The following PARM1 variants were observed in gnomAD, a reference collection of about 807,000 sequenced individuals.
PARM1 encodes the protein prostate androgen-regulated mucin-like protein 1.
PARM1 carries 14 observed loss-of-function variants against 24.6 expected under a neutral mutation model. The observed-to-expected ratio is 0.57, with a 90% CI of 0.38 to 0.89. The LOEUF (loss-of-function observed/expected upper bound fraction) is 0.89, where lower values mean the gene tolerates loss of function less well. PARM1 is among the 40% of genes least tolerant of loss of function. PARM1 has a pLI of 0.00. For synonymous variants in PARM1, 179 were observed against 156.6 expected, an observed-to-expected ratio of 1.14 and a Z score of -1.07; for missense variants, 362 against 380.4, an observed-to-expected ratio of 0.95 and a Z score of 0.40.
At chr4:74,991,111 A>G (rs1476852867) in intron 1 of PARM1, among the ~76,000 whole-genome samples, 1 of 152,190 alleles carries the variant, frequency 6.6e-6, no homozygotes, top group Non-Finnish European at 1.5e-5. Context: ...TCCGCCCTGC[A>G]GAAGCACTTT....
chr4:75,013,246 G>T, intron 2 of PARM1, 96 bp downstream of exon 2: 2 of 1,246,184 alleles, frequency 1.6e-6, no homozygotes, highest in South Asian at 1.5e-5. Context: ...TTGAATTTTG[G>T]AGTGTAACAC....
intron 3 of PARM1, among the ~76,000 whole-genome samples, chr4:75,037,254 T>C (rs1389651769): frequency 1.3e-5 from 2 of 152,214 alleles, no homozygotes; most frequent in African/African-American, 2.4e-5. Flanking sequence ...TTTAGCTTGT[T>C]TGGCTGGAGC....
intron 2 of PARM1, among the ~76,000 whole-genome samples, chr4:75,029,221 C>T (rs1723234837): frequency 6.6e-6 from 1 of 152,186 alleles, no homozygotes; most frequent in Non-Finnish European, 1.5e-5. Context: ...CCAAAGGCAG[C>T]CTCCTTCCTC....
intron 1 of PARM1, among the ~76,000 whole-genome samples, chr4:74,962,927 A>G (rs1043352609): frequency 6.6e-6 from 1 of 152,206 alleles, no homozygotes; most frequent in African/African-American, 2.4e-5. Flanking sequence ...TAATCCCCAC[A>G]TGTCAAGGCT....
intron 1 of PARM1, among the ~76,000 whole-genome samples, chr4:74,975,184 G>C (rs547359606): frequency 6.6e-6 from 1 of 152,256 alleles, no homozygotes; most frequent in Non-Finnish European, 1.5e-5. Flanking sequence ...TGCATCCCCT[G>C]TTAGATGTAT....
intron 1 of PARM1, among the ~76,000 whole-genome samples, chr4:74,945,232 G>T (rs1036154409): frequency 6.6e-6 from 1 of 152,210 alleles, no homozygotes; most frequent in African/African-American, 2.4e-5. Context: ...GGTATCTGAT[G>T]AGTGAACGTT....
chr4:75,045,376 G>A (rs1035482866), intron 3 of PARM1, among the ~76,000 whole-genome samples: 5 of 152,338 alleles, frequency 3.3e-5, no homozygotes, highest in African/African-American at 2.4e-5. Context: ...CCATTCAAAG[G>A]TTTTGAACAG....
rs144173068 is a variant in PARM1 at position 75,046,625 on chromosome 4, A to G, written c.*378A>G. The G allele has an allele frequency of 1.9e-3, 354 of 181,704 alleles. No homozygotes were observed. The highest frequency in any genetic ancestry group is 8.1e-3 in the African/African-American group (342 of 42,394). 11.3% of individuals were successfully genotyped at this position (181,704 alleles called of 1,614,324 possible). A position where few individuals can be genotyped will look rare whatever the true frequency, so the allele number is the denominator to read the frequency against. ...GAACATTTCATTTGTGTTATTTCTT[A>G]AACTTCTATTTAGGAAATTACATTA... On this transcript the variant is annotated 3_prime_UTR_variant, in exon 4 of 4. Coordinates refer to ENST00000307428, the MANE Select transcript of PARM1 (RefSeq NM_015393.4).
intron 1 of PARM1, among the ~76,000 whole-genome samples, chr4:74,945,992 A>G (rs2109982566): frequency 6.6e-6 from 1 of 152,358 alleles, no homozygotes; most frequent in South Asian, 2.1e-4. Context: ...AACCTCTCAC[A>G]TTATAGATAA....
At chr4:74,962,791 G>A (rs1297132858) in intron 1 of PARM1, among the ~76,000 whole-genome samples, 4 of 152,234 alleles carry the variant, frequency 2.6e-5, no homozygotes, top group Non-Finnish European at 5.9e-5. Context: ...TTTAATGGGT[G>A]TAGAGTTTCA....
intron 1 of PARM1, among the ~76,000 whole-genome samples, chr4:74,947,345 A>G (rs895964813): frequency 2.0e-5 from 3 of 152,230 alleles, no homozygotes; most frequent in Admixed American, 1.3e-4. Context: ...GGTTTCTTCA[A>G]TAAATGAATT....
chr4:75,012,616 A>C lies in PARM1; in HGVS notation c.235A>C (p.Lys79Gln). The change falls in exon 2 of 4, where the codon AAG (lysine) becomes CAG (glutamine). Residue 79 changes from lysine to glutamine, a missense_variant. By Grantham distance (53) the Lys-to-Gln change is moderately conservative. Coordinates refer to ENST00000307428, the MANE Select transcript of PARM1 (RefSeq NM_015393.4). ...TASAPTSLLP[K>Q]NISIESREEE... ...ATCAGCCCCAACATCTCTGCTTCCT[A>C]AGAACATTTCCATAGAGTCCAGAGA... The C allele has an allele frequency of 6.2e-7, 1 of 1,613,930 alleles. No individual in the cohort carries two copies.
Position 74,933,401 on chromosome 4 carries a change from G to T in PARM1, c.43+31G>T, listed in dbSNP as rs1256732964. 1.9e-6 allele frequency: 3 copies of T among 1,604,342 alleles called. No homozygotes were observed. The East Asian group carries it at 6.7e-5, about 36-fold the overall frequency. ...TGGCGCCATCCTCCCGGAAGGGCAGGTCGCGGGGTGGGCCCCAGTAGCTAG... is the reference window on the plus strand; with the variant it reads ...TGGCGCCATCCTCCCGGAAGGGCAGTTCGCGGGGTGGGCCCCAGTAGCTAG... On this transcript the variant is annotated intron_variant, in intron 1 of 3. Transcript: ENST00000307428.
At chr4:74,981,860 T>TA (rs1256690563) in intron 1 of PARM1, among the ~76,000 whole-genome samples, 1 of 110,966 alleles carries the variant, frequency 9.0e-6, no homozygotes, top group Non-Finnish European at 1.7e-5. Context: ...GTCTGAGTGA[T>TA]AAAGTGAGAC....
At chr4:74,950,299 G>A (rs1182932603) in intron 1 of PARM1, among the ~76,000 whole-genome samples, 1 of 152,208 alleles carries the variant, frequency 6.6e-6, no homozygotes, top group Non-Finnish European at 1.5e-5. Flanking sequence ...GCAAAGCCAT[G>A]CCTCCTCTGA....
At position 75,042,608 on chromosome 4, in the gene PARM1, AT is replaced by A. The variant is rs544628641; in HGVS notation, c.849-3554del. Among the ~76,000 whole-genome samples the A allele has an allele frequency of 2.0e-5, 3 of 151,692 alleles. No homozygotes were observed. In the South Asian group the frequency reaches 6.3e-4, roughly 32 times the overall value. On this transcript the variant is annotated intron_variant, in intron 3 of 3. Coordinates refer to ENST00000307428, the MANE Select transcript of PARM1 (RefSeq NM_015393.4). ...CTTTTTTTTTTTAACCTCATACACT[AT>A]GCAAATGCCAATCTGAAAACCTCCC...
chr4:75,006,875 G>A (rs2109790451), intron 1 of PARM1, among the ~76,000 whole-genome samples: 1 of 152,258 alleles, frequency 6.6e-6, no homozygotes, highest in South Asian at 2.1e-4. Context: ...TTGACAAATG[G>A]GATCTAATTA....
chr4:74,945,431 A>C (rs1433427813), intron 1 of PARM1, among the ~76,000 whole-genome samples: 1 of 152,254 alleles, frequency 6.6e-6, no homozygotes. Flanking sequence ...TTCGAAATTC[A>C]TTCTGCTACA....
intron 1 of PARM1, among the ~76,000 whole-genome samples, chr4:74,993,329 TG>T (rs1722514359): frequency 6.6e-6 from 1 of 152,134 alleles, no homozygotes; most frequent in Non-Finnish European, 1.5e-5. Flanking sequence ...TGCCAACCAC[TG>T]TATGAATGAG....
Sources: gnomAD v4.1 joint callset for allele counts (sites outside exome capture counted in the v4.1 genomes callset) on GRCh38, gnomAD v4.1.1 for gene constraint, MANE v1.5 for transcripts, NCBI Gene and HGNC (gene_info 2026-07-23, HGNC 2026-07-21) for gene names.